The following GLIS3 variants were observed in gnomAD, a reference collection of about 807,000 sequenced individuals.
GLIS3 encodes the protein zinc finger protein GLIS3.
In GLIS3, 53 loss-of-function variants were observed where a neutral mutation model predicts 78.6. That is an observed-to-expected ratio of 0.67 (90% confidence interval 0.54 to 0.85). The LOEUF (loss-of-function observed/expected upper bound fraction) is 0.85. GLIS3 is among the 40% of genes least tolerant of loss of function. The pLI, the probability that GLIS3 is intolerant of heterozygous loss-of-function variation, is 0.00. For synonymous variants in GLIS3, 684 were observed against 509.9 expected (o/e 1.34, Z -4.60); for missense variants, 1,703 against 1,231.1 (o/e 1.38, Z -5.74).
chr9:3,962,306 C>A (rs1422727323), intron 4 of GLIS3, among the ~76,000 whole-genome samples: 1 of 151,634 alleles, frequency 6.6e-6, no homozygotes, highest in African/African-American at 2.4e-5. Flanking sequence ...CTAAATAGAA[C>A]TGAGTTTAGA....
the GLIS3 span, among the ~76,000 whole-genome samples, chr9:4,368,590 A>G: frequency 1.3e-5 from 2 of 152,136 alleles, no homozygotes; most frequent in Admixed American, 1.3e-4. Context: ...TGACCTCGTG[A>G]TCCACCCGCC....
At chr9:4,102,267 C>A (rs1190604380) in intron 4 of GLIS3, among the ~76,000 whole-genome samples, 1 of 152,178 alleles carries the variant, frequency 6.6e-6, no homozygotes, top group African/African-American at 2.4e-5. Context: ...CTTCCCCCAT[C>A]AAGTAGTCAT....
intron 5 of GLIS3, among the ~76,000 whole-genome samples, chr9:3,934,842 G>C (rs1299499160): frequency 6.6e-6 from 1 of 152,132 alleles, no homozygotes; most frequent in Non-Finnish European, 1.5e-5. Flanking sequence ...TAATGTCAGG[G>C]ACTGATCTAA....
chr9:3,943,610 A>T (rs896342346), intron 4 of GLIS3, among the ~76,000 whole-genome samples: 1 of 152,260 alleles, frequency 6.6e-6, no homozygotes, highest in Admixed American at 6.5e-5. Context: ...CAGGGAAATC[A>T]GTGTAACCCA....
At chr9:3,988,863 C>A (rs1020197175) in intron 4 of GLIS3, among the ~76,000 whole-genome samples, 1 of 151,946 alleles carries the variant, frequency 6.6e-6, no homozygotes, top group Non-Finnish European at 1.5e-5. Flanking sequence ...TAGGCAAAGA[C>A]TTCTTAGACT....
At chr9:4,207,925 T>G (rs1820026874) in intron 2 of GLIS3, among the ~76,000 whole-genome samples, 1 of 152,220 alleles carries the variant, frequency 6.6e-6, no homozygotes, top group South Asian at 2.1e-4. Flanking sequence ...ATACTTCCAC[T>G]TCAGCTGCCC....
the GLIS3 span, among the ~76,000 whole-genome samples, chr9:4,454,519 A>G: frequency 6.6e-6 from 1 of 152,178 alleles, no homozygotes; most frequent in Non-Finnish European, 1.5e-5. Flanking sequence ...TTTGCCCTAC[A>G]TCTTGCTGTT....
intron 2 of GLIS3, among the ~76,000 whole-genome samples, chr9:4,219,642 T>C (rs1289793457): frequency 3.3e-5 from 5 of 152,194 alleles, no homozygotes; most frequent in Admixed American, 1.3e-4. Flanking sequence ...AGTTCCTAAC[T>C]TGATGTTAGT....
chr9:3,932,215 A>G (rs1825665090), intron 6 of GLIS3, 145 bp downstream of exon 6: 1 of 665,454 alleles, frequency 1.5e-6, no homozygotes, highest in East Asian at 2.9e-5. Flanking sequence ...CTATTACTTC[A>G]TGGGAGACTT....
intron 2 of GLIS3, among the ~76,000 whole-genome samples, chr9:4,341,169 G>C (rs1346315943): frequency 9.2e-5 from 14 of 152,142 alleles, no homozygotes. Flanking sequence ...CTGATCCACA[G>C]GCTTGTGCAA....
At position 4,143,471 on chromosome 9, in the gene GLIS3, G is replaced by T. The variant is rs527873689; in HGVS notation, c.389-17530C>A. On this transcript the variant is annotated intron_variant, in intron 2 of 10. Transcript: ENST00000381971. Reference sequence around the variant, plus strand: ...AATCCCAGCTACTCAGGAGGCTGAGGCAGGAGAATTGCTTGAACCCAGGAG... The same window carrying T: ...AATCCCAGCTACTCAGGAGGCTGAGTCAGGAGAATTGCTTGAACCCAGGAG... Among the ~76,000 whole-genome samples, 6 of 152,090 alleles carry T rather than the reference G, an allele frequency of 3.9e-5. No individual in the cohort carries two copies. The South Asian group carries it at 1.2e-3, about 32-fold the overall frequency.
chr9:4,426,677 C>A, the GLIS3 span, among the ~76,000 whole-genome samples: 4 of 152,196 alleles, frequency 2.6e-5, no homozygotes, highest in Non-Finnish European at 5.9e-5. Flanking sequence ...AATATTTGAA[C>A]CTTTGAGGTC....
chr9:3,947,628 G>A (rs969583970), intron 4 of GLIS3, among the ~76,000 whole-genome samples: 1 of 152,192 alleles, frequency 6.6e-6, no homozygotes, highest in Non-Finnish European at 1.5e-5. Flanking sequence ...CACACGAAGA[G>A]AATAATTTAC....
intron 1 of GLIS3, among the ~76,000 whole-genome samples, chr9:4,288,946 A>C (rs1041572216): frequency 6.6e-6 from 1 of 152,206 alleles, no homozygotes; most frequent in Non-Finnish European, 1.5e-5. Flanking sequence ...CAGATTTCTC[A>C]AACATTAGAT....
the GLIS3 span, among the ~76,000 whole-genome samples, chr9:4,480,245 C>T: frequency 3.2e-3 from 448 of 140,102 alleles, 4 homozygotes; most frequent in African/African-American, 0.012. Flanking sequence ...CACTGTGTTG[C>T]CCAGGCTGGA....
At chr9:4,377,224 G>T in the GLIS3 span, among the ~76,000 whole-genome samples, 1 of 135,236 alleles carries the variant, frequency 7.4e-6, no homozygotes, top group African/African-American at 2.6e-5. Flanking sequence ...CGATGTGGGT[G>T]GCCACCATCC....
chr9:4,186,844 T>G (rs1254165127), intron 2 of GLIS3, among the ~76,000 whole-genome samples: 1 of 152,134 alleles, frequency 6.6e-6, no homozygotes, highest in Non-Finnish European at 1.5e-5. Context: ...TTTGATGGGG[T>G]TGTTTTTTTC....
chr9:4,079,516 G>A (rs184214475), intron 4 of GLIS3, among the ~76,000 whole-genome samples: 7 of 152,286 alleles, frequency 4.6e-5, no homozygotes, highest in Admixed American at 2.6e-4. Flanking sequence ...GTCCAGCAAT[G>A]TTCCTGTCAT....
At chr9:3,874,792 A>G (rs1208044442) in intron 8 of GLIS3, among the ~76,000 whole-genome samples, 1 of 152,200 alleles carries the variant, frequency 6.6e-6, no homozygotes, top group African/African-American at 2.4e-5. Context: ...GAGAGAACAG[A>G]AAAAACACTT....
Sources: allele counts gnomAD v4.1 joint callset (sites outside exome capture counted in the v4.1 genomes callset), GRCh38; gene constraint gnomAD v4.1.1; transcripts MANE v1.5; gene names NCBI Gene and HGNC (gene_info 2026-07-23, HGNC 2026-07-21).